Variants in SPEN observed in about 807,000 individuals in gnomAD.
SPEN encodes the protein msx2-interacting protein.
A neutral mutation model predicts 269.9 loss-of-function variants in SPEN; 18 were observed. That is an observed-to-expected ratio of 0.07 (90% confidence interval 0.05 to 0.10). The LOEUF is 0.10. Ranked by LOEUF, SPEN falls within the 10% of genes least tolerant of loss-of-function variation. The probability of loss-of-function intolerance (pLI) is 1.00; values close to 1 mark genes in which losing one functional copy is unlikely to be tolerated. For missense variants in SPEN, 3,822 were observed against 4,631.2 expected, an observed-to-expected ratio of 0.83 and a Z score of 5.07; for synonymous variants, 1,726 against 1,765.7, an observed-to-expected ratio of 0.98 and a Z score of 0.56.
At chr1:15,851,513 C>T (rs1037674650) in intron 1 of SPEN, among the ~76,000 whole-genome samples, 1 of 152,162 alleles carries the variant, frequency 6.6e-6, no homozygotes, top group African/African-American at 2.4e-5. Flanking sequence ...GAGGTGTCTG[C>T]AAAGGCGACT....
chr1:15,914,942 T>G (rs1173039289), intron 5 of SPEN, among the ~76,000 whole-genome samples: 1 of 152,236 alleles, frequency 6.6e-6, no homozygotes. Flanking sequence ...ATAGTTACTC[T>G]TATATCTAAA....
intron 3 of SPEN, among the ~76,000 whole-genome samples, chr1:15,888,782 C>T (rs1266848161): frequency 6.6e-6 from 1 of 151,868 alleles, no homozygotes; most frequent in African/African-American, 2.4e-5. Context: ...CAGACATGCG[C>T]CACCATGCCC....
chr1:15,921,042 T>C, intron 9 of SPEN, 59 bp downstream of exon 9: 1 of 1,164,460 alleles, frequency 8.6e-7, no homozygotes, highest in Non-Finnish European at 1.2e-6. Flanking sequence ...CTCACCCTCT[T>C]GGGCTGGGCG....
intron 3 of SPEN, among the ~76,000 whole-genome samples, chr1:15,889,454 C>T (rs1290554845): frequency 6.6e-6 from 1 of 152,122 alleles, no homozygotes; most frequent in Non-Finnish European, 1.5e-5. Flanking sequence ...GCATGAGCCA[C>T]CGTGCCTGGC....
At chr1:15,889,804 C>G (rs1158668939) in intron 3 of SPEN, among the ~76,000 whole-genome samples, 1 of 152,070 alleles carries the variant, frequency 6.6e-6, no homozygotes, top group East Asian at 1.9e-4. Context: ...ATCTCCATCT[C>G]CCGGGTTCAA....
intron 1 of SPEN, among the ~76,000 whole-genome samples, chr1:15,870,122 G>C (rs963310282): frequency 6.6e-6 from 1 of 151,978 alleles, no homozygotes; most frequent in Admixed American, 6.6e-5. Context: ...CACCTGCCTC[G>C]GCCTCCCAAA....
At chr1:15,874,017 T>G (rs758469313) in intron 2 of SPEN, 8 of 1,218,236 alleles carry the variant, frequency 6.6e-6, no homozygotes, top group Admixed American at 3.3e-5. Flanking sequence ...AAAAGTGAAC[T>G]ATTGGCGAGC....
At chr1:15,885,128 GT>G (rs1259774894) in intron 3 of SPEN, among the ~76,000 whole-genome samples, 1 of 152,100 alleles carries the variant, frequency 6.6e-6, no homozygotes, top group Non-Finnish European at 1.5e-5. Flanking sequence ...ATTATCCAAA[GT>G]TACCTATAAT....
At chr1:15,857,214 A>G (rs2070396035) in intron 1 of SPEN, among the ~76,000 whole-genome samples, 1 of 151,984 alleles carries the variant, frequency 6.6e-6, no homozygotes. Context: ...ACAGGCGCAC[A>G]CCACCATACT....
chr1:15,921,438 A>G (rs2071119176), intron 9 of SPEN, among the ~76,000 whole-genome samples: 1 of 152,358 alleles, frequency 6.6e-6, no homozygotes, highest in Admixed American at 6.5e-5. Flanking sequence ...GGGGAATATT[A>G]CAATTTTATG....
chr1:15,908,587 T>A (rs983343945), intron 3 of SPEN, among the ~76,000 whole-genome samples: 1 of 152,118 alleles, frequency 6.6e-6, no homozygotes, highest in African/African-American at 2.4e-5. Context: ...CACACCCAGC[T>A]AATTTTTATA....
In SPEN at chr1:15,907,761, A is replaced by G. The variant is rs191502819; in HGVS notation, c.882-1560A>G. Among the ~76,000 whole-genome samples the G allele has an allele frequency of 2.0e-3, 301 of 152,356 alleles. 6 individuals are homozygous for G. The Middle Eastern group carries it at 0.051, about 26-fold the overall frequency. ...TTTTATTAACCTATTTGAGAATGCC[A>G]TAAAAGCAAGCCACAAAAGTCTTGC... On this transcript the variant is annotated intron_variant, in intron 3 of 14. Transcript: ENST00000375759.
chr1:15,886,310 G>A (rs2070735909), intron 3 of SPEN, among the ~76,000 whole-genome samples: 1 of 152,152 alleles, frequency 6.6e-6, no homozygotes, highest in African/African-American at 2.4e-5. Context: ...GATGAGAAGC[G>A]CTCATCTGGG....
At chr1:15,894,533 G>GTGGTTTTTTTTTTTTTTTTTTTTTTT (rs1557746623) in intron 3 of SPEN, among the ~76,000 whole-genome samples, 2 of 136,014 alleles carry the variant, frequency 1.5e-5, no homozygotes. Flanking sequence ...CCATATTATG[G>GTGGTTTTTTTTTTTTTTTTTTTTTTT]TTGTTTTTTT....
At chr1:15,849,148 CTTG>C (rs2070307798) in intron 1 of SPEN, among the ~76,000 whole-genome samples, 1 of 152,186 alleles carries the variant, frequency 6.6e-6, no homozygotes, top group African/African-American at 2.4e-5. Flanking sequence ...TGACGATTGG[CTTG>C]GACTTGGTGC....
intron 5 of SPEN, among the ~76,000 whole-genome samples, chr1:15,911,835 C>A (rs1475996291): frequency 6.6e-6 from 1 of 152,204 alleles, no homozygotes; most frequent in Non-Finnish European, 1.5e-5. Context: ...GTGGCGCACG[C>A]CTGTAATCCC....
At chr1:15,902,503 G>A (rs1390170903) in intron 3 of SPEN, among the ~76,000 whole-genome samples, 1 of 152,162 alleles carries the variant, frequency 6.6e-6, no homozygotes, top group African/African-American at 2.4e-5. Context: ...ACTTGCTGTG[G>A]TGATGCATTC....
chr1:15,876,968 A>G (rs1030379091), intron 3 of SPEN, among the ~76,000 whole-genome samples: 1 of 152,224 alleles, frequency 6.6e-6, no homozygotes, highest in Non-Finnish European at 1.5e-5. Flanking sequence ...AAATCTTGTG[A>G]CACTGAAAAT....
rs766208539 is a variant in SPEN, at chr1:15,935,472, A to G, written c.9232A>G (p.Ile3078Val). 10 of 1,613,988 alleles carry G rather than the reference A, an allele frequency of 6.2e-6. No homozygotes were observed. Among genetic ancestry groups the G allele is most frequent in the South Asian group, 1.1e-5 (1 of 91,076 alleles). The change falls in exon 11 of 15, where the codon ATC becomes GTC. Residue 3078 changes from isoleucine (I) to valine (V), a missense_variant. Ile to Val is a conservative substitution (Grantham distance 29, BLOSUM62 3). This residue lies in a region of SPEN where 153 missense variants were observed against 228.5 expected (regional missense o/e 0.67). Transcript: ENST00000375759. The surrounding 1 kb of genome is among the most constrained non-coding windows in gnomAD (Gnocchi z 7.7). Reference protein sequence around the residue: ...ISSIHPEQSVIMPPHSITQTV... With the variant: ...ISSIHPEQSVVMPPHSITQTV... ...CAGCATCCACCCAGAGCAGTCTGTC[A>G]TCATGCCACCCCACAGCATCACCCA...
Sources: gnomAD v4.1 joint callset for allele counts (sites outside exome capture counted in the v4.1 genomes callset) on GRCh38, gnomAD v4.1.1 for gene constraint, gnomAD v4.1.1 regional missense constraint, Gnocchi (gnomAD v3.1) non-coding constraint, MANE v1.5 for transcripts, NCBI Gene and HGNC (gene_info 2026-07-23, HGNC 2026-07-21) for gene names.